Variants in SULF1 observed in about 807,000 individuals in gnomAD.
SULF1 encodes the protein extracellular sulfatase Sulf-1.
In SULF1, 46 loss-of-function variants were observed where a neutral mutation model predicts 110.5. The ratio of observed to expected loss-of-function variants is 0.42; its 90% CI spans 0.33 to 0.53. The LOEUF is 0.53. Ranked by LOEUF, SULF1 falls within the 20% of genes least tolerant of loss-of-function variation. The probability of loss-of-function intolerance (pLI) is 0.12; values close to 1 mark genes in which losing one functional copy is unlikely to be tolerated. For missense variants in SULF1, 941 were observed against 1,094.2 expected, an observed-to-expected ratio of 0.86 and a Z score of 1.98; for synonymous variants, 371 against 387.1, an observed-to-expected ratio of 0.96 and a Z score of 0.49.
At chr8:69,590,240 C>T (rs1358363377) in intron 8 of SULF1, among the ~76,000 whole-genome samples, 1 of 152,166 alleles carries the variant, frequency 6.6e-6, no homozygotes. Context: ...TGGCTCACTG[C>T]AACCTCCGCC....
At chr8:69,481,043 T>TAAAATA (rs556744959) in intron 1 of SULF1, among the ~76,000 whole-genome samples, 3 of 151,978 alleles carry the variant, frequency 2.0e-5, no homozygotes, top group African/African-American at 7.2e-5. Flanking sequence ...ATAATAATAA[T>TAAAATA]AAAATAAAAA....
chr8:69,523,543 G>A (rs1207679749), intron 3 of SULF1, among the ~76,000 whole-genome samples: 3 of 152,126 alleles, frequency 2.0e-5, no homozygotes, highest in South Asian at 2.1e-4. Context: ...TTGCACAGGT[G>A]CAGATACGGA....
chr8:69,651,342 C>T (rs796965461), intron 22 of SULF1, among the ~76,000 whole-genome samples: 7 of 152,130 alleles, frequency 4.6e-5, no homozygotes, highest in African/African-American at 9.6e-5. Context: ...CATGAGCCAC[C>T]GCGCCCAGCC....
intron 22 of SULF1, among the ~76,000 whole-genome samples, chr8:69,655,220 A>C (rs1031427136): frequency 1.3e-5 from 2 of 152,180 alleles, no homozygotes; most frequent in Non-Finnish European, 2.9e-5. Flanking sequence ...AGCCATCTGC[A>C]GTCTCTGACT....
At chr8:69,632,052 A>G (rs1214208403) in intron 19 of SULF1, among the ~76,000 whole-genome samples, 2 of 152,212 alleles carry the variant, frequency 1.3e-5, no homozygotes, top group Admixed American at 6.5e-5. Flanking sequence ...TTTTAGGTGA[A>G]TAAATAAACA....
intron 8 of SULF1, among the ~76,000 whole-genome samples, chr8:69,596,204 T>C: frequency 6.6e-6 from 1 of 152,194 alleles, no homozygotes; most frequent in South Asian, 2.1e-4. Context: ...TACAGGGATG[T>C]TTTCTTGGGG....
intron 3 of SULF1, among the ~76,000 whole-genome samples, chr8:69,561,847 T>C (rs747465811): frequency 4.6e-5 from 7 of 152,262 alleles, no homozygotes; most frequent in Non-Finnish European, 8.8e-5. Context: ...TTTATTACTT[T>C]AGTTTTCCTG....
intron 3 of SULF1, among the ~76,000 whole-genome samples, chr8:69,538,453 C>T (rs1035428472): frequency 3.9e-5 from 6 of 152,090 alleles, no homozygotes; most frequent in Non-Finnish European, 2.9e-5. Flanking sequence ...AAGGCCGGGC[C>T]CCTTTCTGGA....
At chr8:69,490,440 T>A (rs558254153), upstream of SULF1, among the ~76,000 whole-genome samples, 288 of 151,920 alleles carry the variant, frequency 1.9e-3, no homozygotes, top group Middle Eastern at 6.8e-3. Context: ...GTTTAAAAAT[T>A]TTTTTTTAGC....
rs1046228570 is a variant in SULF1, at chr8:69,601,833, C to T, written c.1061+4C>T. On this transcript the variant is annotated splice_donor_region_variant and intron_variant, in intron 10 of 22. Coordinates refer to ENST00000402687, the MANE Select transcript of SULF1 (RefSeq NM_001128205.2). ...CAAGTGTAGAACCAGGATCAATGTA[C>T]GTATTTCTCTGTTTGCAACATTCAA... The T allele has an allele frequency of 4.6e-5, 74 of 1,599,282 alleles. No individual in the cohort carries two copies. Among genetic ancestry groups the T allele is most frequent in the Non-Finnish European group, 5.6e-5 (66 of 1,172,088 alleles).
At position 69,564,391 on chromosome 8, in the gene SULF1, G is replaced by A. The variant is rs539137395; in HGVS notation, c.172+244G>A. On this transcript the variant is annotated intron_variant, in intron 5 of 22. Transcript: ENST00000402687. ...CTGGGGGAGTAGGACAATGGAGAAA[G>A]AGGGTCAGCACTGAAGACTGTAGAA... Among the ~76,000 whole-genome samples, 10 of 152,332 alleles carry A rather than the reference G, an allele frequency of 6.6e-5. No homozygotes were observed. In the South Asian group the frequency reaches 1.9e-3, roughly 28 times the overall value.
rs771798800 is a variant in SULF1, at chr8:69,659,050, G to A, written c.*515G>A. ...CGATGGCATGACAGAGCTAGAGCTC[G>A]GGCCCAGCCCCAGGCTGCAGCCCAT... is the stretch of plus-strand genomic sequence containing the variant. On this transcript the variant is annotated 3_prime_UTR_variant, in exon 23 of 23. Coordinates refer to ENST00000402687, the MANE Select transcript of SULF1 (RefSeq NM_001128205.2). The A allele has an allele frequency of 1.5e-5, 7 of 456,972 alleles. No individual in the cohort carries two copies. The highest frequency in any genetic ancestry group is 7.7e-5 in the South Asian group (5 of 64,578). The allele number at this position is 456,972 out of a possible 1,614,324, so 28.3% of individuals were successfully genotyped here.
At chr8:69,490,692 T>C (rs2704034), upstream of SULF1, among the ~76,000 whole-genome samples, 21,998 of 152,148 alleles carry the variant, frequency 0.14, 1,785 homozygotes, top group African/African-American at 0.22. Flanking sequence ...CAGCTTTCAG[T>C]AGAATAGAAA....
At chr8:69,506,129 A>T (rs1200954214) in intron 3 of SULF1, among the ~76,000 whole-genome samples, 1 of 151,992 alleles carries the variant, frequency 6.6e-6, no homozygotes, top group Non-Finnish European at 1.5e-5. Flanking sequence ...CAATTTCTGC[A>T]TTGTCTTTTT....
At chr8:69,625,676 T>A (rs1292631654) in intron 15 of SULF1, among the ~76,000 whole-genome samples, 1 of 152,120 alleles carries the variant, frequency 6.6e-6, no homozygotes, top group African/African-American at 2.4e-5. Context: ...AAGCTACAGA[T>A]CTTCGCGGTG....
At chr8:69,590,759 C>T (rs1270590964) in intron 8 of SULF1, among the ~76,000 whole-genome samples, 1 of 152,192 alleles carries the variant, frequency 6.6e-6, no homozygotes, top group African/African-American at 2.4e-5. Context: ...GGAGTCAACT[C>T]CATGGGTGGA....
intron 19 of SULF1, chr8:69,637,676 C>A (rs2130666754): frequency 6.5e-6 from 1 of 153,974 alleles, no homozygotes; most frequent in Middle Eastern, 3.3e-3. Context: ...CTGGGCCAGG[C>A]ACAGTGGTGC....
chr8:69,625,448 CGTG>C (rs1333529677), intron 15 of SULF1, among the ~76,000 whole-genome samples: 1 of 152,178 alleles, frequency 6.6e-6, no homozygotes, highest in Admixed American at 6.5e-5. Context: ...TGCGGACCCT[CGTG>C]GTGAGTGTTA....
intron 5 of SULF1, among the ~76,000 whole-genome samples, chr8:69,565,247 T>A (rs930795162): frequency 2.6e-5 from 4 of 151,430 alleles, no homozygotes; most frequent in African/African-American, 9.7e-5. Context: ...TTAACAAGGG[T>A]ATTGATTTTC....
Sources: gnomAD v4.1 joint callset for allele counts (sites outside exome capture counted in the v4.1 genomes callset) on GRCh38, gnomAD v4.1.1 for gene constraint, MANE v1.5 for transcripts, NCBI Gene and HGNC (gene_info 2026-07-23, HGNC 2026-07-21) for gene names.